Variants in SPC24 observed in about 807,000 individuals in gnomAD.
The protein encoded by SPC24 is kinetochore protein Spc24.
Under a neutral mutation model 27.6 loss-of-function variants are expected in SPC24, and 31 were observed. The observed-to-expected ratio is 1.12, with a 90% CI of 0.84 to 1.52. The LOEUF (loss-of-function observed/expected upper bound fraction) is 1.52, where lower values mean the gene tolerates loss of function less well. Among genes scored for constraint, SPC24 ranks in the 40% most tolerant of loss-of-function variants. The pLI, the probability that SPC24 is intolerant of heterozygous loss-of-function variation, is 0.00. For missense variants in SPC24, 284 were observed against 252.5 expected, an observed-to-expected ratio of 1.12 and a Z score of -0.84; for synonymous variants, 105 against 105.8, an observed-to-expected ratio of 0.99 and a Z score of 0.05.
chr19:11,151,533 G>A (rs781665669), intron 1 of SPC24, among the ~76,000 whole-genome samples: 11 of 151,906 alleles, frequency 7.2e-5, no homozygotes, highest in Non-Finnish European at 1.3e-4. Context: ...ATTCTTCCCT[G>A]AGTAGTAATC....
chr19:11,145,795 T>G lies in SPC24; in HGVS notation c.*1388A>C, dbSNP rs1235752495. On this transcript the variant is annotated 3_prime_UTR_variant, in exon 5 of 5. Coordinates refer to ENST00000592540, the MANE Select transcript of SPC24 (RefSeq NM_182513.4). ...TGTCTTTTAAGAATCCTTCTAGAAG[T>G]GTCATGTAACATTTCCACATACATT... 4 of 152,170 alleles carry G rather than the reference T, an allele frequency of 2.6e-5. No individual in the cohort carries two copies. The highest frequency in any genetic ancestry group is 5.9e-5 in the Non-Finnish European group (4 of 68,036). The allele number at this position is 152,170 out of a possible 1,614,324, so 9.4% of individuals were successfully genotyped here.
rs1568630597 is a variant in SPC24, at chr19:11,147,906, GAC to G, written c.411-14_411-13del. 3.0e-5 allele frequency: 28 copies of G among 939,226 alleles called. No homozygotes were observed. Among genetic ancestry groups the G allele is most frequent in the Non-Finnish European group, 3.6e-5 (25 of 702,064 alleles). The allele number at this position is 939,226 out of a possible 1,614,324, so 58.2% of individuals were successfully genotyped here. On this transcript the variant is annotated splice_polypyrimidine_tract_variant and intron_variant, in intron 3 of 4. Transcript: ENST00000592540. ...GTTGAGCCACGTACCTGTACAGGAAGACAAAAAAAAAAAAAAAAAAAAAAGAA... is the reference window on the plus strand; with the variant it reads ...GTTGAGCCACGTACCTGTACAGGAAGAAAAAAAAAAAAAAAAAAAAAAGAA...
In SPC24 at chr19:11,146,492, G is replaced by T. The variant is rs536089892; in HGVS notation, c.*691C>A. ...AAAAAAAAAAAAAAAAAGGCCAGGC[G>T]CGGTGACTCACACCTGTAATCCCAG... On this transcript the variant is annotated 3_prime_UTR_variant, in exon 5 of 5. Coordinates refer to ENST00000592540, the MANE Select transcript of SPC24 (RefSeq NM_182513.4). The T allele has an allele frequency of 3.1e-5, 1 of 32,288 alleles. No homozygotes were observed. The highest frequency in any genetic ancestry group is 4.5e-4 in the Admixed American group (1 of 2,202). 2.0% of individuals were successfully genotyped at this position (32,288 alleles called of 1,614,324 possible).
At chr19:11,147,423 C>T (rs1220284889) in intron 4 of SPC24, 134 bp from the exon 5 acceptor site, 5 of 613,914 alleles carry the variant, frequency 8.1e-6, no homozygotes, top group Admixed American at 3.0e-5. Context: ...TACAGTGGTG[C>T]GATCTCGGCT....
At position 11,148,088 on chromosome 19, in the gene SPC24, T is replaced by C; in HGVS notation, c.335A>G (p.Lys112Arg). The C allele has an allele frequency of 1.2e-6, 2 of 1,613,690 alleles. No individual in the cohort carries two copies. Among genetic ancestry groups the C allele is most frequent in the Non-Finnish European group, 1.7e-6 (2 of 1,179,754 alleles). Reference sequence around the variant, plus strand: ...TCGCTCCAGATCCGCCTCAATCTCCTTGAGCTCTTCCAGCTCTCTGGTGAG... The same window carrying C: ...TCGCTCCAGATCCGCCTCAATCTCCCTGAGCTCTTCCAGCTCTCTGGTGAG... ...LQLTRELEEL[K>R]EIEADLERQE... The change falls in exon 3 of 5, where the codon AAG (lysine) becomes AGG (arginine). Residue 112 changes from lysine (K) to arginine (R), a missense_variant. Physicochemically the swap from Lys to Arg is conservative, Grantham distance 26. Coordinates refer to ENST00000592540, the MANE Select transcript of SPC24 (RefSeq NM_182513.4).
In SPC24 at chr19:11,149,133, T is replaced by C; in HGVS notation, c.266A>G (p.Glu89Gly). 1 of 1,549,176 alleles carries C rather than the reference T, an allele frequency of 6.5e-7. No homozygotes were observed. Among genetic ancestry groups the C allele is most frequent in the Non-Finnish European group, 8.7e-7 (1 of 1,146,668 alleles). Reference sequence around the variant, plus strand: ...CAGACGGGTGTCCTCCTCCCCAGCCTCCTGAAGCCCAGCTTCCAGCTGCTG... The same window carrying C: ...CAGACGGGTGTCCTCCTCCCCAGCCCCCTGAAGCCCAGCTTCCAGCTGCTG... ...ELQQLEAGLQ[E>G]AGEEDTRLKA... The change falls in exon 2 of 5, where the codon GAG (glutamate) becomes GGG (glycine). Residue 89 changes from glutamate (E) to glycine (G), a missense_variant. Glu to Gly is a moderately conservative substitution (Grantham distance 98). Coordinates refer to ENST00000592540, the MANE Select transcript of SPC24 (RefSeq NM_182513.4).
intron 1 of SPC24, among the ~76,000 whole-genome samples, chr19:11,149,859 T>G (rs2077857090): frequency 1.3e-5 from 2 of 150,386 alleles, no homozygotes. Context: ...TACATGCGCC[T>G]GCCACGACAC....
chr19:11,151,658 G>A (rs563666537), intron 1 of SPC24, among the ~76,000 whole-genome samples: 39 of 152,140 alleles, frequency 2.6e-4, no homozygotes, highest in Non-Finnish European at 4.1e-4. Context: ...CATCCAGGCT[G>A]GAGTGCAATG....
rs199831107 is a variant in SPC24 at position 11,148,014 on chromosome 19, C to T, written c.409G>A (p.Val137Met). The T allele has an allele frequency of 1.5e-5, 25 of 1,613,240 alleles. No homozygotes were observed. Among genetic ancestry groups the T allele is most frequent in the African/African-American group, 6.7e-5 (5 of 74,858 alleles). The change falls in exon 3 of 5, where the codon GTG (valine) becomes ATG (methionine). Residue 137 changes from valine to methionine, a missense_variant and splice_region_variant. Val to Met is a conservative substitution (Grantham distance 21). Coordinates refer to ENST00000592540, the MANE Select transcript of SPC24 (RefSeq NM_182513.4). ...EDTTVTIPSA[V>M]YVAQLYHQVS... ...GGCACACGTTTTGGCAGAACCTACA[C>T]GGCCGAGGGGATTGTGACTGTCGTG...
chr19:11,146,479 A>AAAAAAAAAAAAAAAAAAAAAAAG lies in SPC24; in HGVS notation c.*703_*704insCTTTTTTTTTTTTTTTTTTTTTT, dbSNP rs1283117437. The AAAAAAAAAAAAAAAAAAAAAAAG allele has an allele frequency of 1.4e-5, 2 of 144,072 alleles. No individual in the cohort carries two copies. The highest frequency in any genetic ancestry group is 3.0e-5 in the Non-Finnish European group (2 of 65,640). 8.9% of individuals were successfully genotyped at this position (144,072 alleles called of 1,614,324 possible). A position where few individuals can be genotyped will look rare whatever the true frequency, so the allele number is the denominator to read the frequency against. ...AAGAAATCCAGTAAAAAAAAAAAAA[A>AAAAAAAAAAAAAAAAAAAAAAAG]AAAAGGCCAGGCGCGGTGACTCACA... On this transcript the variant is annotated 3_prime_UTR_variant, in exon 5 of 5. Transcript: ENST00000592540.
chr19:11,151,932 ATTATTT>A (rs1253666852), intron 1 of SPC24, among the ~76,000 whole-genome samples: 2 of 128,040 alleles, frequency 1.6e-5, no homozygotes, highest in Non-Finnish European at 3.3e-5. Flanking sequence ...AACTTTTATT[ATTATTT>A]TTGAGACAGT....
chr19:11,147,630 C>G, intron 4 of SPC24, 188 bp downstream of exon 4: 1 of 611,040 alleles, frequency 1.6e-6, no homozygotes, highest in Non-Finnish European at 2.9e-6. Context: ...GACGTGGGGT[C>G]TCACTGATAC....
chr19:11,150,347 G>A (rs1023018664), intron 1 of SPC24, among the ~76,000 whole-genome samples: 3 of 152,096 alleles, frequency 2.0e-5, no homozygotes, highest in African/African-American at 7.2e-5. Context: ...TTAGCTGGGC[G>A]TGGTGGTGCA....
At position 11,147,908 on chromosome 19, in the gene SPC24, C is replaced by CAAA. The variant is rs58845884; in HGVS notation, c.411-17_411-15dup. 3.9e-3 allele frequency: 4,339 copies of CAAA among 1,108,702 alleles called. 7 individuals carry two copies. Among genetic ancestry groups the CAAA allele is most frequent in the South Asian group, 9.2e-3 (560 of 60,864 alleles). The allele number at this position is 1,108,702 out of a possible 1,614,324, so 68.7% of individuals were successfully genotyped here. ...TGAGCCACGTACCTGTACAGGAAGACAAAAAAAAAAAAAAAAAAAAAAGAA... is the reference window on the plus strand; with the variant it reads ...TGAGCCACGTACCTGTACAGGAAGACAAAAAAAAAAAAAAAAAAAAAAAAAGAA... On this transcript the variant is annotated splice_polypyrimidine_tract_variant and intron_variant, in intron 3 of 4. Coordinates refer to ENST00000592540, the MANE Select transcript of SPC24 (RefSeq NM_182513.4).
At position 11,147,813 on chromosome 19, in the gene SPC24, G is replaced by A. The variant is rs754699451; in HGVS notation, c.487+5C>T. On this transcript the variant is annotated splice_donor_5th_base_variant and intron_variant, in intron 4 of 4. Transcript: ENST00000592540. ...AGGGTTAAAATGGCTCCCCAAAAAG[G>A]ATACTGCCTTTGACCATCCCTGGCT... 6.2e-7 allele frequency: 1 copy of A among 1,607,902 alleles called. No homozygotes were observed. Among genetic ancestry groups the A allele is most frequent in the Non-Finnish European group, 8.5e-7 (1 of 1,178,132 alleles).
rs938305613 is a variant in SPC24 at position 11,146,370 on chromosome 19, T to A, written c.*813A>T. The A allele has an allele frequency of 1.1e-4, 16 of 148,840 alleles. No homozygotes were observed. Among genetic ancestry groups the A allele is most frequent in the Admixed American group, 7.0e-5 (1 of 14,364 alleles). 9.2% of individuals were successfully genotyped at this position (148,840 alleles called of 1,614,324 possible). On this transcript the variant is annotated 3_prime_UTR_variant, in exon 5 of 5. Transcript: ENST00000592540. The stretch of plus-strand genomic sequence containing the variant: ...TCCCATCCCGTCACAGATGTGAAAC[T>A]GCAGGCCTGGCATAGATAAGTCGAC...
At chr19:11,154,675 T>C (rs2077897765) in intron 1 of SPC24, among the ~76,000 whole-genome samples, 1 of 75,186 alleles carries the variant, frequency 1.3e-5, no homozygotes, top group South Asian at 3.9e-4. Context: ...GGGTAGATAT[T>C]GTACAATTCC....
intron 1 of SPC24, among the ~76,000 whole-genome samples, chr19:11,150,350 G>A (rs1312629402): frequency 6.6e-6 from 1 of 152,044 alleles, no homozygotes; most frequent in African/African-American, 2.4e-5. Flanking sequence ...GCTGGGCGTG[G>A]TGGTGCATGC....
intron 1 of SPC24, 124 bp downstream of exon 1, chr19:11,155,492 CA>C (rs1200686110): frequency 8.5e-7 from 1 of 1,178,384 alleles, no homozygotes; most frequent in Non-Finnish European, 1.1e-6. Flanking sequence ...GGGGCCGTCC[CA>C]GGGGGCATAG....
Sources: gnomAD v4.1 joint callset for allele counts (sites outside exome capture counted in the v4.1 genomes callset) on GRCh38, gnomAD v4.1.1 for gene constraint, MANE v1.5 for transcripts, NCBI Gene and HGNC (gene_info 2026-07-23, HGNC 2026-07-21) for gene names.